The following UBE2O variants were observed in gnomAD, a reference collection of about 807,000 sequenced individuals.
The protein encoded by UBE2O is ubiquitin conjugating enzyme E2 O, also known as (E3-independent) E2 ubiquitin-conjugating enzyme.
UBE2O carries 15 observed loss-of-function variants against 125.8 expected under a neutral mutation model. The ratio of observed to expected loss-of-function variants is 0.12; its 90% CI spans 0.08 to 0.18. The LOEUF (loss-of-function observed/expected upper bound fraction) is 0.18. Among genes scored for constraint, UBE2O ranks in the 10% least tolerant of loss-of-function variants. The probability of loss-of-function intolerance (pLI) is 1.00; values close to 1 mark genes in which losing one functional copy is unlikely to be tolerated. For missense variants in UBE2O, 1,280 were observed against 1,723.6 expected, an observed-to-expected ratio of 0.74 and a Z score of 4.56; for synonymous variants, 708 against 703.2, an observed-to-expected ratio of 1.01 and a Z score of -0.11.
Position 76,397,880 on chromosome 17 carries a change from C to G in UBE2O, c.2034G>C (p.Val678=). ...TGACGTCCACACGGGCCACCTGGCCCACCGATGGCTGCTGGGCAAAGGGGA... is the reference window on the plus strand; with the variant it reads ...TGACGTCCACACGGGCCACCTGGCCGACCGATGGCTGCTGGGCAAAGGGGA... ...GAPHKEDEPS[V]GQVARVDVSS... The change falls in exon 13 of 18, where the codon GTG becomes GTC. Residue 678 remains valine (V), a synonymous_variant. Transcript: ENST00000319380. The G allele has an allele frequency of 1.2e-6, 2 of 1,614,058 alleles. No homozygotes were observed. Among genetic ancestry groups the G allele is most frequent in the Non-Finnish European group, 1.7e-6 (2 of 1,180,032 alleles).
At position 76,397,847 on chromosome 17, in the gene UBE2O, C is replaced by G. The variant is rs958898852; in HGVS notation, c.2067G>C (p.Lys689Asn). ...AGTTGTCAGCCCACACCACCTCCACCTTGCTGCTGACGTCCACACGGGCCA... is the reference window on the plus strand; with the variant it reads ...AGTTGTCAGCCCACACCACCTCCACGTTGCTGCTGACGTCCACACGGGCCA... Reference protein sequence around the residue: ...GQVARVDVSSKVEVVWADNSK... With the variant: ...GQVARVDVSSNVEVVWADNSK... Residue 689 changes from lysine to asparagine, a missense_variant, in exon 13 of 18, where the codon AAG (lysine) becomes AAC (asparagine). Physicochemically the swap from Lys to Asn is moderately conservative, Grantham distance 94 (BLOSUM62 0). Coordinates refer to ENST00000319380, the MANE Select transcript of UBE2O (RefSeq NM_022066.4). The G allele has an allele frequency of 6.2e-7, 1 of 1,614,206 alleles. No individual in the cohort carries two copies. The highest frequency in any genetic ancestry group is 8.5e-7 in the Non-Finnish European group (1 of 1,180,042).
At chr17:76,422,504 C>T (rs567907000) in intron 1 of UBE2O, among the ~76,000 whole-genome samples, 7 of 152,210 alleles carry the variant, frequency 4.6e-5, no homozygotes, top group Non-Finnish European at 1.0e-4. Flanking sequence ...GGTGGGCAGA[C>T]GCTGTGCCAG....
chr17:76,422,592 C>T (rs1040210435), intron 1 of UBE2O, among the ~76,000 whole-genome samples: 6 of 152,170 alleles, frequency 3.9e-5, no homozygotes, highest in Admixed American at 3.9e-4. Flanking sequence ...GCAATGAAGC[C>T]GAGGCACGCC....
intron 1 of UBE2O, among the ~76,000 whole-genome samples, chr17:76,429,834 T>C (rs1223096861): frequency 6.6e-6 from 1 of 152,318 alleles, no homozygotes; most frequent in South Asian, 2.1e-4. Flanking sequence ...CGTTCATGAA[T>C]CCCTCTTTCA....
At chr17:76,415,966 T>C (rs1197315233) in intron 1 of UBE2O, among the ~76,000 whole-genome samples, 1 of 151,990 alleles carries the variant, frequency 6.6e-6, no homozygotes, top group Admixed American at 6.5e-5. Flanking sequence ...TACACGTATA[T>C]ACGTATGCGT....
rs1195945579 is a variant in UBE2O, at chr17:76,410,137, G to C, written c.418-4565C>G. 6.6e-6 allele frequency among the ~76,000 whole-genome samples: 1 copy of C among 152,114 alleles called. No individual in the cohort carries two copies. The highest frequency in any genetic ancestry group is 2.4e-5 in the African/African-American group (1 of 41,412). On this transcript the variant is annotated intron_variant, in intron 1 of 17. Coordinates refer to ENST00000319380, the MANE Select transcript of UBE2O (RefSeq NM_022066.4). This position sits in a 1 kb window ranked among gnomAD's most constrained non-coding sequence, Gnocchi z 4.0. ...GCATGGTGCTGTTATTCAGGCCTTA[G>C]AGAGCCACAGGGAGGGCTTGAGATT...
chr17:76,423,342 G>A (rs571371908), intron 1 of UBE2O, among the ~76,000 whole-genome samples: 1 of 152,208 alleles, frequency 6.6e-6, no homozygotes, highest in South Asian at 2.1e-4. Flanking sequence ...TTGTGCCAAT[G>A]CACTCCAGCC....
intron 1 of UBE2O, among the ~76,000 whole-genome samples, chr17:76,416,252 A>G (rs147318124): frequency 6.7e-6 from 1 of 150,344 alleles, no homozygotes; most frequent in South Asian, 2.1e-4. Context: ...GTGTATATGT[A>G]TGTATATGTA....
At position 76,447,101 on chromosome 17, in the gene UBE2O, C is replaced by T. The variant is rs1490266564; in HGVS notation, c.417+5624G>A. 2.0e-5 allele frequency among the ~76,000 whole-genome samples: 3 copies of T among 152,308 alleles called. No homozygotes were observed. In the East Asian group the frequency reaches 5.8e-4, roughly 29 times the overall value. ...CCTCTCTCCTTCCTCACTTGTAGTA[C>T]CTCCTATTACACTAAGACTTTCAAC... On this transcript the variant is annotated intron_variant, in intron 1 of 17. Coordinates refer to ENST00000319380, the MANE Select transcript of UBE2O (RefSeq NM_022066.4).
In UBE2O at chr17:76,399,533, C is replaced by G. The variant is rs1422955827; in HGVS notation, c.1544G>C (p.Ser515Thr). 1.9e-6 allele frequency: 3 copies of G among 1,614,074 alleles called. No individual in the cohort carries two copies. Among genetic ancestry groups the G allele is most frequent in the Non-Finnish European group, 2.5e-6 (3 of 1,180,050 alleles). ...TAAGTTCTTGATGGACAAGGGGATG[C>G]TCTTTTTGCGACTCGTGCCGCTGCC... ...QSGSGTSRKK[S>T]IPLSIKNLKR... Residue 515 changes from serine to threonine, a missense_variant, in exon 9 of 18, where the codon AGC becomes ACC. Around this residue, in one of 10 missense-constraint regions of UBE2O, gnomAD observed 145 missense variants for 219.6 expected, o/e 0.66. Transcript: ENST00000319380. This position sits in a 1 kb window ranked among gnomAD's most constrained non-coding sequence, Gnocchi z 6.9.
At chr17:76,443,293 A>AT (rs1467011831) in intron 1 of UBE2O, among the ~76,000 whole-genome samples, 3 of 151,562 alleles carry the variant, frequency 2.0e-5, no homozygotes, top group East Asian at 1.9e-4. Context: ...ATATATATAT[A>AT]TATTTTTTTC....
At chr17:76,392,165 T>C (rs1285658098) in intron 15 of UBE2O, 52 bp from the exon 16 acceptor site, 1 of 1,143,438 alleles carries the variant, frequency 8.7e-7, no homozygotes, top group Non-Finnish European at 1.2e-6. Flanking sequence ...TGGAAGGGGG[T>C]GTCCTACATG....
At chr17:76,443,230 C>CT (rs1277228429) in intron 1 of UBE2O, among the ~76,000 whole-genome samples, 1 of 151,966 alleles carries the variant, frequency 6.6e-6, no homozygotes, top group African/African-American at 2.4e-5. Flanking sequence ...ATATTTTTTC[C>CT]TATTAAAAAG....
At chr17:76,431,464 C>A (rs1011187676) in intron 1 of UBE2O, among the ~76,000 whole-genome samples, 7 of 152,072 alleles carry the variant, frequency 4.6e-5, no homozygotes, top group Admixed American at 2.0e-4. Flanking sequence ...TGCAGTGAGC[C>A]GAGATCGCAC....
rs1407344978 is a variant in UBE2O at position 76,402,455 on chromosome 17, G to C, written c.686+147C>G. ...CACGGCAGATAAGGAGAACGGTACA[G>C]GGTTAGGCCCTGGATGCCTGCAACA... is the stretch of plus-strand genomic sequence containing the variant. On this transcript the variant is annotated intron_variant, in intron 4 of 17. Transcript: ENST00000319380. The surrounding 1 kb of genome is among the most constrained non-coding windows in gnomAD (Gnocchi z 5.4). 2.7e-6 allele frequency: 2 copies of C among 749,854 alleles called. No homozygotes were observed. Among genetic ancestry groups the C allele is most frequent in the Non-Finnish European group, 4.7e-6 (2 of 422,662 alleles). 46.5% of individuals were successfully genotyped at this position (749,854 alleles called of 1,614,324 possible).
intron 1 of UBE2O, among the ~76,000 whole-genome samples, chr17:76,412,387 C>T (rs1598598278): frequency 1.3e-5 from 2 of 152,276 alleles, no homozygotes; most frequent in South Asian, 4.1e-4. Context: ...GCCACTCCTC[C>T]ACCCCCTCCC....
chr17:76,443,401 G>A (rs2073105584), intron 1 of UBE2O, among the ~76,000 whole-genome samples: 1 of 152,074 alleles, frequency 6.6e-6, no homozygotes, highest in African/African-American at 2.4e-5. Flanking sequence ...CAATTCTCCT[G>A]CCCTAGCCTC....
At chr17:76,423,539 A>G (rs1248998637) in intron 1 of UBE2O, among the ~76,000 whole-genome samples, 1 of 151,710 alleles carries the variant, frequency 6.6e-6, no homozygotes, top group Non-Finnish European at 1.5e-5. Context: ...TAAAAATACA[A>G]AAAATTAGCC....
rs1324353147 is a variant in UBE2O, at chr17:76,453,150, T to C, written c.-9A>G. The C allele has an allele frequency of 6.4e-5, 36 of 560,126 alleles. 1 individual carries two copies. The East Asian group carries it at 1.3e-3, about 20-fold the overall frequency. The allele number at this position is 560,126 out of a possible 1,614,324, so 34.7% of individuals were successfully genotyped here. A position where few individuals can be genotyped will look rare whatever the true frequency, so the allele number is the denominator to read the frequency against. On this transcript the variant is annotated 5_prime_UTR_variant, in exon 1 of 18. Coordinates refer to ENST00000319380, the MANE Select transcript of UBE2O (RefSeq NM_022066.4). The stretch of plus-strand genomic sequence containing the variant: ...GCTGCGGGATCCGCCATAACTGCTC[T>C]GCGCGAGTCTCGGGCGGCGGCGGCG...
Sources: allele counts gnomAD v4.1 joint callset (sites outside exome capture counted in the v4.1 genomes callset), GRCh38; gene constraint gnomAD v4.1.1; regional missense constraint gnomAD v4.1.1; non-coding constraint Gnocchi (gnomAD v3.1); transcripts MANE v1.5; gene names NCBI Gene and HGNC (gene_info 2026-07-23, HGNC 2026-07-21).